DAB1: variants seen among roughly 807,000 people sequenced by gnomAD.
DAB1 encodes the protein disabled homolog 1.
A neutral mutation model predicts 64.6 loss-of-function variants in DAB1; 15 were observed. The observed-to-expected ratio is 0.23, with a 90% CI of 0.16 to 0.36. DAB1 has a LOEUF of 0.36. DAB1 is among the 10% of genes least tolerant of loss of function. The pLI, the probability that DAB1 is intolerant of heterozygous loss-of-function variation, is 1.00. For missense variants in DAB1, 596 were observed against 706.7 expected (o/e 0.84, Z 1.78); for synonymous variants, 235 against 251.9 (o/e 0.93, Z 0.64).
intron 6 of DAB1, among the ~76,000 whole-genome samples, chr1:57,750,441 T>G (rs1206043043): frequency 6.6e-6 from 1 of 152,202 alleles, no homozygotes; most frequent in Non-Finnish European, 1.5e-5. Flanking sequence ...CCTACCTACC[T>G]GAGTGGCCCT....
intron 6 of DAB1, among the ~76,000 whole-genome samples, chr1:57,775,175 A>T (rs1332840376): frequency 6.6e-6 from 1 of 151,330 alleles, no homozygotes; most frequent in African/African-American, 2.4e-5. Flanking sequence ...TAGCATAATT[A>T]TATGTTTATT....
intron 3 of DAB1, among the ~76,000 whole-genome samples, chr1:57,140,532 C>A (rs1402412700): frequency 6.6e-6 from 1 of 152,198 alleles, no homozygotes; most frequent in Non-Finnish European, 1.5e-5. Flanking sequence ...ATGATGCATG[C>A]TACAAATATG....
chr1:57,121,092 G>A (rs1298436725), intron 4 of DAB1, among the ~76,000 whole-genome samples: 1 of 150,478 alleles, frequency 6.6e-6, no homozygotes, highest in Non-Finnish European at 1.5e-5. Flanking sequence ...AATGTCCTAA[G>A]CAGAAAAGAA....
intron 4 of DAB1, among the ~76,000 whole-genome samples, chr1:58,293,931 C>G (rs1258932869): frequency 6.6e-6 from 1 of 152,142 alleles, no homozygotes; most frequent in Non-Finnish European, 1.5e-5. Context: ...CTCCTGAGCT[C>G]ACAGTTATTT....
At chr1:57,558,886 G>A (rs538394422) in intron 7 of DAB1, among the ~76,000 whole-genome samples, 1 of 152,112 alleles carries the variant, frequency 6.6e-6, no homozygotes, top group Non-Finnish European at 1.5e-5. Context: ...CAGCTGGGAG[G>A]GTCCAGAAGA....
Position 58,476,183 on chromosome 1 carries a change from A to G in DAB1, n.257+29877T>C, listed in dbSNP as rs1282785128. Among the ~76,000 whole-genome samples, 3 of 152,186 alleles carry G rather than the reference A, an allele frequency of 2.0e-5. No individual in the cohort carries two copies. In the East Asian group the frequency reaches 5.8e-4, roughly 29 times the overall value. On this transcript the variant is annotated intron_variant and non_coding_transcript_variant, in intron 3 of 20. Coordinates refer to the DAB1 transcript ENST00000485760. Reference sequence around the variant, plus strand: ...TTCAAAGAGCTTAACTAAAAATTTTATATTTTCTCTCACATAATTAGGTAC... The same window carrying G: ...TTCAAAGAGCTTAACTAAAAATTTTGTATTTTCTCTCACATAATTAGGTAC...
intron 7 of DAB1, among the ~76,000 whole-genome samples, chr1:57,489,676 C>G (rs1480197561): frequency 1.6e-5 from 2 of 121,638 alleles, no homozygotes; most frequent in East Asian, 2.0e-4. Context: ...GCCCCAGGAA[C>G]CTTTGCTGAA....
intron 6 of DAB1, among the ~76,000 whole-genome samples, chr1:57,715,529 T>C (rs1010230787): frequency 6.6e-6 from 1 of 152,184 alleles, no homozygotes; most frequent in African/African-American, 2.4e-5. Context: ...TCATGATATA[T>C]ACGTATCGAA....
chr1:57,095,195 A>T (rs1654047042), intron 4 of DAB1, among the ~76,000 whole-genome samples: 1 of 152,198 alleles, frequency 6.6e-6, no homozygotes, highest in Admixed American at 6.5e-5. Context: ...TCTGATGCAG[A>T]TGTCATTCAG....
intron 2 of DAB1, among the ~76,000 whole-genome samples, chr1:57,248,626 G>A (rs1462342640): frequency 2.0e-5 from 3 of 152,144 alleles, no homozygotes; most frequent in Admixed American, 2.0e-4. Context: ...AAGTATTACA[G>A]TTCCTGGATT....
chr1:58,493,719 A>T (rs1032836617), intron 3 of DAB1, among the ~76,000 whole-genome samples: 3 of 151,894 alleles, frequency 2.0e-5, no homozygotes, highest in African/African-American at 7.3e-5. Flanking sequence ...AGGGATGTGA[A>T]GGACCTCTTC....
At chr1:57,514,515 T>G (rs1644442164) in intron 7 of DAB1, among the ~76,000 whole-genome samples, 1 of 152,240 alleles carries the variant, frequency 6.6e-6, no homozygotes, top group African/African-American at 2.4e-5. Flanking sequence ...TCAGTGACTT[T>G]GCCTTTTGTT....
chr1:58,174,260 G>A (rs905429198), intron 4 of DAB1, among the ~76,000 whole-genome samples: 1 of 152,104 alleles, frequency 6.6e-6, no homozygotes, highest in African/African-American at 2.4e-5. Context: ...TCTGGAGTTG[G>A]GCAACATGGT....
At chr1:57,063,597 T>C (rs564288941) in intron 8 of DAB1, among the ~76,000 whole-genome samples, 4 of 152,322 alleles carry the variant, frequency 2.6e-5, no homozygotes, top group Non-Finnish European at 5.9e-5. Context: ...ATGAGCTAAC[T>C]GTGACAGGCT....
rs7533331 is a variant in DAB1, at chr1:58,263,206, G to T, written n.309+80146C>A. Among the ~76,000 whole-genome samples the T allele has an allele frequency of 8.5e-4, 130 of 152,314 alleles. 1 individual carries two copies. Among genetic ancestry groups the T allele is most frequent in the African/African-American group, 3.0e-3 (124 of 41,572 alleles). On this transcript the variant is annotated intron_variant and non_coding_transcript_variant, in intron 4 of 20. Coordinates refer to the DAB1 transcript ENST00000485760. ...TTTTACTTTTTGGGAGCTGTAAAAA[G>T]TCCTGCTGTTTGGATAAGAAATATC...
intron 1 of DAB1, among the ~76,000 whole-genome samples, chr1:58,538,494 ATT>A (rs79968247): frequency 0.12 from 17,664 of 152,144 alleles, 1,215 homozygotes; most frequent in African/African-American, 0.18. Flanking sequence ...TAAATATAAG[ATT>A]TTTTTAATGC....
intron 4 of DAB1, among the ~76,000 whole-genome samples, chr1:57,115,217 A>G (rs1285819534): frequency 1.3e-5 from 2 of 152,184 alleles, no homozygotes; most frequent in Admixed American, 1.3e-4. Context: ...AGACAGATGC[A>G]GGGCCTAATC....
chr1:57,439,641 A>G (rs1685859491), intron 7 of DAB1, among the ~76,000 whole-genome samples: 2 of 138,400 alleles, frequency 1.4e-5, no homozygotes, highest in African/African-American at 5.7e-5. Flanking sequence ...GTTAGCCAGG[A>G]TGGTCTTGAT....
intron 5 of DAB1, among the ~76,000 whole-genome samples, chr1:57,982,146 T>C (rs1646081816): frequency 6.6e-6 from 1 of 152,200 alleles, no homozygotes; most frequent in Admixed American, 6.5e-5. Context: ...TCAGGTGAAG[T>C]GGTTTTATCC....
Sources: allele counts gnomAD v4.1 joint callset (sites outside exome capture counted in the v4.1 genomes callset), GRCh38; gene constraint gnomAD v4.1.1; transcripts MANE v1.5; gene names NCBI Gene and HGNC (gene_info 2026-07-23, HGNC 2026-07-21).